Variants in GNG12 observed in about 807,000 individuals in gnomAD.
GNG12 encodes the protein guanine nucleotide-binding protein G(I)/G(S)/G(O) subunit gamma-12.
For missense variants in GNG12, 69 were observed against 83.8 expected, an observed-to-expected ratio of 0.82 and a Z score of 0.69; for synonymous variants, 28 against 29.7, an observed-to-expected ratio of 0.94 and a Z score of 0.19.
At chr1:67,719,385 A>G (rs986382921) in intron 2 of GNG12, among the ~76,000 whole-genome samples, 11 of 152,232 alleles carry the variant, frequency 7.2e-5, no homozygotes, top group African/African-American at 2.7e-4. Flanking sequence ...AGGGTGGGTC[A>G]TGAATGCAAA....
chr1:67,753,421 T>A (rs1646550318), intron 2 of GNG12, among the ~76,000 whole-genome samples: 1 of 152,016 alleles, frequency 6.6e-6, no homozygotes, highest in East Asian at 1.9e-4. Context: ...ATTCTCAATC[T>A]GTACTTGCTG....
At position 67,704,665 on chromosome 1, in the gene GNG12, AT is replaced by A. The variant is rs1168036159; in HGVS notation, c.*785del. On this transcript the variant is annotated 3_prime_UTR_variant, in exon 4 of 4. Coordinates refer to ENST00000370982, the MANE Select transcript of GNG12 (RefSeq NM_018841.6). The stretch of plus-strand genomic sequence containing the variant: ...CCTCCCCTTTTCCAGACTCAGCATC[AT>A]TGAAGCCCTAACGGGTCCTTGTAAA... The A allele has an allele frequency of 6.6e-6, 1 of 152,666 alleles. No homozygotes were observed. The highest frequency in any genetic ancestry group is 2.4e-5 in the African/African-American group (1 of 41,454). 9.5% of individuals were successfully genotyped at this position (152,666 alleles called of 1,614,324 possible).
intron 2 of GNG12, among the ~76,000 whole-genome samples, chr1:67,712,907 T>C (rs1646304370): frequency 6.6e-6 from 1 of 152,004 alleles, no homozygotes; most frequent in Non-Finnish European, 1.5e-5. Flanking sequence ...TTTTGTATTT[T>C]TAGTAGAGAT....
chr1:67,832,829 T>C (rs1035973690), intron 1 of GNG12, among the ~76,000 whole-genome samples: 2 of 151,748 alleles, frequency 1.3e-5, no homozygotes, highest in African/African-American at 4.8e-5. Flanking sequence ...AGGTAGAAAG[T>C]AGGCAGAGGG....
intron 2 of GNG12, among the ~76,000 whole-genome samples, chr1:67,709,904 T>TA (rs1646273595): frequency 1.5e-5 from 1 of 66,658 alleles, no homozygotes; most frequent in African/African-American, 6.7e-5. Flanking sequence ...ATATATATTT[T>TA]TATATAGTTA....
At chr1:67,707,462 C>T (rs945111612) in intron 3 of GNG12, 132 bp downstream of exon 3, 1 of 685,284 alleles carries the variant, frequency 1.5e-6, no homozygotes, top group Admixed American at 2.7e-5. Context: ...TTTTGAGACT[C>T]TCAGCCTGTT....
At chr1:67,705,738 A>G (rs1390970309) in intron 3 of GNG12, among the ~76,000 whole-genome samples, 162 bp from the exon 4 acceptor site, 1 of 152,216 alleles carries the variant, frequency 6.6e-6, no homozygotes, top group Non-Finnish European at 1.5e-5. Context: ...TAAAAAGGAA[A>G]TGGTACCTTT....
intron 1 of GNG12, among the ~76,000 whole-genome samples, chr1:67,812,679 C>T (rs1032854577): frequency 1.3e-5 from 2 of 152,178 alleles, no homozygotes; most frequent in Non-Finnish European, 2.9e-5. Flanking sequence ...TAAGGCCTTT[C>T]CTCCTCCTAA....
At chr1:67,797,901 G>A (rs148781610) in intron 1 of GNG12, among the ~76,000 whole-genome samples, 7 of 152,220 alleles carry the variant, frequency 4.6e-5, no homozygotes, top group Admixed American at 2.0e-4. Flanking sequence ...GGTGACACGC[G>A]TCTCCACTGG....
At chr1:67,715,218 C>T (rs893746316) in intron 2 of GNG12, among the ~76,000 whole-genome samples, 9 of 152,182 alleles carry the variant, frequency 5.9e-5, no homozygotes, top group Admixed American at 5.2e-4. Context: ...TGCCTGGCCT[C>T]GACCATCTAC....
At chr1:67,730,744 A>G (rs1297571249) in intron 2 of GNG12, among the ~76,000 whole-genome samples, 3 of 152,178 alleles carry the variant, frequency 2.0e-5, no homozygotes, top group Admixed American at 2.0e-4. Context: ...TTTTACTTCA[A>G]TAAAAAGCTT....
At chr1:67,736,798 G>T (rs1646455067) in intron 2 of GNG12, among the ~76,000 whole-genome samples, 1 of 152,200 alleles carries the variant, frequency 6.6e-6, no homozygotes, top group Non-Finnish European at 1.5e-5. Context: ...ACTCGGAGTG[G>T]TTTCCTTGGG....
intron 1 of GNG12, among the ~76,000 whole-genome samples, chr1:67,814,285 A>G (rs950173924): frequency 1.3e-4 from 20 of 152,242 alleles, no homozygotes; most frequent in Admixed American, 6.5e-5. Context: ...GAAATTTTAG[A>G]GAATGCCAAC....
At chr1:67,738,293 A>G (rs1646463674) in intron 2 of GNG12, among the ~76,000 whole-genome samples, 1 of 152,200 alleles carries the variant, frequency 6.6e-6, no homozygotes, top group South Asian at 2.1e-4. Context: ...CAATAAAGCA[A>G]ATTATCAGTT....
intron 2 of GNG12, among the ~76,000 whole-genome samples, chr1:67,709,902 T>TA (rs1646273387): frequency 1.0e-5 from 1 of 99,984 alleles, no homozygotes; most frequent in African/African-American, 5.1e-5. Flanking sequence ...ATATATATAT[T>TA]TTTATATAGT....
Position 67,815,708 on chromosome 1 carries a change from G to A in GNG12, c.-77+17636C>T, listed in dbSNP as rs558204319. Among the ~76,000 whole-genome samples the A allele has an allele frequency of 4.6e-5, 7 of 152,198 alleles. No homozygotes were observed. In the East Asian group the frequency reaches 1.2e-3, roughly 25 times the overall value. On this transcript the variant is annotated intron_variant, in intron 1 of 3. Coordinates refer to ENST00000370982, the MANE Select transcript of GNG12 (RefSeq NM_018841.6). ...TTTAGACAGCCCAAAGGTAGGGCTC[G>A]GTATGTGCTGCGGGGAGGGGCTCAG...
At chr1:67,709,387 C>T (rs928728353) in intron 2 of GNG12, among the ~76,000 whole-genome samples, 4 of 152,108 alleles carry the variant, frequency 2.6e-5, no homozygotes, top group African/African-American at 4.8e-5. Context: ...GTGGGGCTAT[C>T]GGCACCAGCC....
intron 2 of GNG12, among the ~76,000 whole-genome samples, chr1:67,721,198 G>A: frequency 6.6e-6 from 1 of 152,142 alleles, no homozygotes; most frequent in Non-Finnish European, 1.5e-5. Context: ...ACTATATGAA[G>A]TGAGAGAATA....
intron 1 of GNG12, among the ~76,000 whole-genome samples, chr1:67,778,443 T>A (rs1362649059): frequency 6.6e-6 from 1 of 152,160 alleles, no homozygotes; most frequent in Non-Finnish European, 1.5e-5. Flanking sequence ...CCGACGCATA[T>A]GAAGATCTTA....
Sources: gnomAD v4.1 joint callset for allele counts (sites outside exome capture counted in the v4.1 genomes callset) on GRCh38, gnomAD v4.1.1 for gene constraint, MANE v1.5 for transcripts, NCBI Gene and HGNC (gene_info 2026-07-23, HGNC 2026-07-21) for gene names.